AKAP11: variants seen among roughly 807,000 people sequenced by gnomAD.
AKAP11 encodes A-kinase anchoring protein 11, also known as A-kinase anchor protein 11.
A neutral mutation model predicts 146.1 loss-of-function variants in AKAP11; 36 were observed. That is an observed-to-expected ratio of 0.25 (90% CI 0.19 to 0.33). The LOEUF (loss-of-function observed/expected upper bound fraction) is 0.33. AKAP11 is among the 10% of genes least tolerant of loss of function. AKAP11 has a pLI of 1.00. For synonymous variants in AKAP11, 780 were observed against 786.5 expected (o/e 0.99, Z 0.14); for missense variants, 2,201 against 2,197.0 (o/e 1.00, Z -0.04).
chr13:42,292,557 C>A, intron 4 of AKAP11, 56 bp downstream of exon 4: 1 of 1,084,918 alleles, frequency 9.2e-7, no homozygotes, highest in Non-Finnish European at 1.3e-6. Context: ...TATTTTCATG[C>A]ATCTTTGTAG....
rs78552287 is a variant in AKAP11, at chr13:42,279,351, T to C, written c.-99-6635T>C. Among the ~76,000 whole-genome samples, 646 of 152,308 alleles carry C rather than the reference T, an allele frequency of 4.2e-3. 13 individuals are homozygous for C. The East Asian group carries it at 0.046, about 11-fold the overall frequency. The stretch of plus-strand genomic sequence containing the variant: ...TCGTGGAACTCCAGTTATTCACCTT[T>C]TATGGTGCTTAAAAAGTCACTTACA... On this transcript the variant is annotated intron_variant, in intron 1 of 12. Transcript: ENST00000025301.
chr13:42,303,520 C>T lies in AKAP11; in HGVS notation c.4774C>T (p.Leu1592Phe), dbSNP rs1015933173. The T allele has an allele frequency of 6.2e-7, 1 of 1,614,158 alleles. No individual in the cohort carries two copies. The highest frequency in any genetic ancestry group is 8.5e-7 in the Non-Finnish European group (1 of 1,180,030). Reference protein sequence around the residue: ...LTGQACRYCDLKELHNCTGNS... With the variant: ...LTGQACRYCDFKELHNCTGNS... ...AGGTCAAGCTTGCAGATACTGTGAC[C>T]TTAAAGAACTCCACAATTGCACTGG... Residue 1592 changes from leucine to phenylalanine, a missense_variant, in exon 8 of 13, where the codon CTT becomes TTT. Around this residue, in one of 3 missense-constraint regions of AKAP11, gnomAD observed 1,867 missense variants for 1,833.5 expected, o/e 1.02. Coordinates refer to ENST00000025301, the MANE Select transcript of AKAP11 (RefSeq NM_016248.4).
intron 1 of AKAP11, among the ~76,000 whole-genome samples, chr13:42,280,125 T>C (rs561843680): frequency 1.3e-5 from 2 of 152,334 alleles, no homozygotes; most frequent in South Asian, 4.1e-4. Flanking sequence ...CTGATCTGTG[T>C]TTAAAACTCA....
chr13:42,317,400 G>C, intron 11 of AKAP11, 128 bp from the exon 12 acceptor site: 1 of 968,500 alleles, frequency 1.0e-6, no homozygotes, highest in South Asian at 1.9e-5. Flanking sequence ...GTTAGAAAAA[G>C]ATGGATATTT....
At chr13:42,273,401 C>G (rs1296276898) in intron 1 of AKAP11, among the ~76,000 whole-genome samples, 1 of 150,662 alleles carries the variant, frequency 6.6e-6, no homozygotes, top group Non-Finnish European at 1.5e-5. Context: ...TCAAACGGTA[C>G]CCTGATTATT....
intron 11 of AKAP11, among the ~76,000 whole-genome samples, chr13:42,316,981 G>A (rs1247826431): frequency 1.3e-5 from 2 of 152,096 alleles, no homozygotes; most frequent in East Asian, 1.9e-4. Flanking sequence ...GGGTTCCAGC[G>A]ATTCTTGTGC....
Position 42,322,623 on chromosome 13 carries a change from G to A in AKAP11, c.*3395G>A, listed in dbSNP as rs1961133608. 1.3e-5 allele frequency: 2 copies of A among 152,264 alleles called. No individual in the cohort carries two copies. The allele number at this position is 152,264 out of a possible 1,614,324, so 9.4% of individuals were successfully genotyped here. Reference sequence around the variant, plus strand: ...CTGTCACCAGCACAAGAGAATTAGAGCTTCAGTGAGAATTTAGAAAAATTA... The same window carrying A: ...CTGTCACCAGCACAAGAGAATTAGAACTTCAGTGAGAATTTAGAAAAATTA... On this transcript the variant is annotated 3_prime_UTR_variant, in exon 13 of 13. Coordinates refer to ENST00000025301, the MANE Select transcript of AKAP11 (RefSeq NM_016248.4).
intron 11 of AKAP11, among the ~76,000 whole-genome samples, chr13:42,315,490 A>G (rs1222260664): frequency 1.3e-5 from 2 of 152,232 alleles, no homozygotes; most frequent in African/African-American, 2.4e-5. Context: ...TCTAAAGGCT[A>G]TACATCGTAT....
In AKAP11 at chr13:42,286,171, C is replaced by T. The variant is rs1959164715; in HGVS notation, c.-49-129C>T. 9.8e-6 allele frequency: 4 copies of T among 406,604 alleles called. No homozygotes were observed. In the South Asian group the frequency reaches 2.7e-4, roughly 27 times the overall value. 25.2% of individuals were successfully genotyped at this position (406,604 alleles called of 1,614,324 possible). ...GATTGCAAGTAAATTGGGGGGGGTG[C>T]TCAGATTATTTTTGTTTTCATTTTT... On this transcript the variant is annotated intron_variant, in intron 2 of 12. Coordinates refer to ENST00000025301, the MANE Select transcript of AKAP11 (RefSeq NM_016248.4).
chr13:42,298,910 A>C (rs1959678181), intron 7 of AKAP11, 113 bp downstream of exon 7: 1 of 1,135,478 alleles, frequency 8.8e-7, no homozygotes, highest in South Asian at 1.8e-5. Context: ...GATTCAATTT[A>C]AACCTTTTAA....
chr13:42,289,623 A>G (rs1594314315), intron 3 of AKAP11, among the ~76,000 whole-genome samples: 1 of 151,302 alleles, frequency 6.6e-6, no homozygotes, highest in South Asian at 2.1e-4. Flanking sequence ...ACCTAATTTC[A>G]CCTACTTTAC....
intron 8 of AKAP11, among the ~76,000 whole-genome samples, chr13:42,305,533 G>A (rs1019935993): frequency 6.6e-6 from 1 of 151,828 alleles, no homozygotes; most frequent in Admixed American, 6.6e-5. Context: ...TTTTTTTAAT[G>A]GTTGAAAAAA....
At chr13:42,304,679 A>T (rs1400639877) in intron 8 of AKAP11, among the ~76,000 whole-genome samples, 6 of 152,172 alleles carry the variant, frequency 3.9e-5, no homozygotes, top group African/African-American at 1.4e-4. Flanking sequence ...ATTGGTTCAC[A>T]ATCTAAGAGG....
rs754812808 is a variant in AKAP11, at chr13:42,300,644, A to G, written c.1898A>G (p.Tyr633Cys). The stretch of plus-strand genomic sequence containing the variant: ...TCAAATGCCTTAAAAGATTTACAGT[A>G]TGTAAAGAAGCAGATATTCACAAAC... ...ALSNALKDLQ[Y>C]VKKQIFTNTV... is the part of the protein sequence containing the mutation. Residue 633 changes from tyrosine to cysteine, a missense_variant, in exon 8 of 13, where the codon TAT becomes TGT. Around this residue, in one of 3 missense-constraint regions of AKAP11, gnomAD observed 1,867 missense variants for 1,833.5 expected, o/e 1.02. Coordinates refer to ENST00000025301, the MANE Select transcript of AKAP11 (RefSeq NM_016248.4). 2 of 1,613,930 alleles carry G rather than the reference A, an allele frequency of 1.2e-6. No homozygotes were observed. Among genetic ancestry groups the G allele is most frequent in the Non-Finnish European group, 1.7e-6 (2 of 1,179,930 alleles).
rs1173595081 is a variant in AKAP11, at chr13:42,319,100, T to C, written c.5578T>C (p.Leu1860=). ...NKEFMLLSKQ[L]QEKGWKVGDL... ...CTTTCTTTCTTAGCTTTCAAAACAA[T>C]TACAAGAGAAAGGATGGAAAGTGGG... Residue 1860 remains leucine (L), a synonymous_variant, in exon 13 of 13, where the codon TTA becomes CTA. Coordinates refer to ENST00000025301, the MANE Select transcript of AKAP11 (RefSeq NM_016248.4). The C allele has an allele frequency of 1.9e-6, 3 of 1,613,612 alleles. No homozygotes were observed. Among genetic ancestry groups the C allele is most frequent in the Non-Finnish European group, 2.5e-6 (3 of 1,179,854 alleles).
In AKAP11 at chr13:42,296,463, T is replaced by A. The variant is rs1959521036; in HGVS notation, c.217-585T>A. ...AAACCATGTTTATAAAGGAAAGTACTCTACAAAGGGTCAAAGACTTTAATA... is the reference window on the plus strand; with the variant it reads ...AAACCATGTTTATAAAGGAAAGTACACTACAAAGGGTCAAAGACTTTAATA... On this transcript the variant is annotated intron_variant, in intron 5 of 12. Coordinates refer to ENST00000025301, the MANE Select transcript of AKAP11 (RefSeq NM_016248.4). 2.6e-5 allele frequency among the ~76,000 whole-genome samples: 4 copies of A among 152,152 alleles called. No individual in the cohort carries two copies. In the South Asian group the frequency reaches 8.3e-4, roughly 32 times the overall value.
chr13:42,313,899 G>C lies in AKAP11; in HGVS notation c.5363G>C (p.Gly1788Ala), dbSNP rs1960684171. ...NLSFPTSDSD[G>A]PDDKDEEHED... ...TCTGCTATTTTATTCATAAGTGATG[G>C]ACCAGATGATAAAGATGAAGAGCAT... The change falls in exon 11 of 13, where the codon GGA (glycine) becomes GCA (alanine). Residue 1788 changes from glycine (G) to alanine (A), a missense_variant. This residue lies in a region of AKAP11 where 1,867 missense variants were observed against 1,833.5 expected (regional missense o/e 1.02). Transcript: ENST00000025301. The C allele has an allele frequency of 1.2e-6, 2 of 1,613,312 alleles. No homozygotes were observed. Among genetic ancestry groups the C allele is most frequent in the Non-Finnish European group, 1.7e-6 (2 of 1,179,572 alleles).
chr13:42,282,293 T>C (rs533401990), intron 1 of AKAP11, among the ~76,000 whole-genome samples: 1 of 146,972 alleles, frequency 6.8e-6, no homozygotes, highest in Non-Finnish European at 1.5e-5. Context: ...AAATTACAAG[T>C]GAGAGCATCC....
chr13:42,317,367 G>A (rs1960870155), intron 11 of AKAP11, among the ~76,000 whole-genome samples, 161 bp from the exon 12 acceptor site: 1 of 152,098 alleles, frequency 6.6e-6, no homozygotes, highest in Non-Finnish European at 1.5e-5. Context: ...CCCTTTAGAA[G>A]TTTTAGTTGA....
Sources: allele counts gnomAD v4.1 joint callset (sites outside exome capture counted in the v4.1 genomes callset), GRCh38; gene constraint gnomAD v4.1.1; regional missense constraint gnomAD v4.1.1; transcripts MANE v1.5; gene names NCBI Gene and HGNC (gene_info 2026-07-23, HGNC 2026-07-21).